Variants in ATP11B observed in about 807,000 individuals in gnomAD.
The protein encoded by ATP11B is ATPase phospholipid transporting 11B (putative).
In ATP11B, 81 loss-of-function variants were observed where a neutral mutation model predicts 157.8. The ratio of observed to expected loss-of-function variants is 0.51; its 90% CI spans 0.43 to 0.62. The LOEUF (loss-of-function observed/expected upper bound fraction) is 0.62, where lower values mean the gene tolerates loss of function less well. Among genes scored for constraint, ATP11B ranks in the 20% least tolerant of loss-of-function variants. The pLI is 0.00. For missense variants in ATP11B, 1,165 were observed against 1,402.2 expected (o/e 0.83, Z 2.70); for synonymous variants, 451 against 469.4 (o/e 0.96, Z 0.51).
At chr3:182,869,562 A>G (rs1721497264) in intron 17 of ATP11B, among the ~76,000 whole-genome samples, 1 of 152,158 alleles carries the variant, frequency 6.6e-6, no homozygotes, top group African/African-American at 2.4e-5. Flanking sequence ...GGTCTACTCA[A>G]ACTATGCTAT....
At chr3:182,862,279 T>TA (rs1157886585) in intron 12 of ATP11B, among the ~76,000 whole-genome samples, 2,434 of 136,220 alleles carry the variant, frequency 0.018, 50 homozygotes, top group African/African-American at 0.058. Flanking sequence ...AAACCCTGTC[T>TA]AAAAAAAAAA....
chr3:182,908,789 A>G (rs1724563356), intron 28 of ATP11B, among the ~76,000 whole-genome samples: 1 of 152,222 alleles, frequency 6.6e-6, no homozygotes, highest in Admixed American at 6.5e-5. Context: ...ATGATTCTTA[A>G]TCAGATTTGA....
In ATP11B at chr3:182,889,430, T is replaced by A; in HGVS notation, c.2864T>A (p.Leu955His). ...TLYRDISKNR[L>H]LSIKTFLYWT... is the part of the protein sequence containing the mutation. Reference sequence around the variant, plus strand: ...AACAGAGACATTAGTAAAAACCGCCTCTTAAGTATTAAAACATTTCTTTAT... The same window carrying A: ...AACAGAGACATTAGTAAAAACCGCCACTTAAGTATTAAAACATTTCTTTAT... The change falls in exon 25 of 30, where the codon CTC becomes CAC. Residue 955 changes from leucine to histidine, a missense_variant. Physicochemically the swap from Leu to His is moderately conservative, Grantham distance 99. This residue lies in a region of ATP11B where 303 missense variants were observed against 296.3 expected (regional missense o/e 1.02). Transcript: ENST00000323116. 1.9e-6 allele frequency: 3 copies of A among 1,570,996 alleles called. No homozygotes were observed. The highest frequency in any genetic ancestry group is 2.6e-6 in the Non-Finnish European group (3 of 1,163,608).
intron 28 of ATP11B, among the ~76,000 whole-genome samples, chr3:182,904,180 G>T (rs1273441979): frequency 6.6e-6 from 1 of 152,196 alleles, no homozygotes; most frequent in Admixed American, 6.5e-5. Flanking sequence ...GCTACTCCCA[G>T]TGGGTCCTAA....
chr3:182,802,292 A>G (rs150572108), intron 1 of ATP11B, among the ~76,000 whole-genome samples: 6 of 152,150 alleles, frequency 3.9e-5, no homozygotes, highest in Non-Finnish European at 7.4e-5. Flanking sequence ...CTGTCCTTGC[A>G]GTCTGTTTTC....
At chr3:182,881,148 T>C (rs1013670433) in intron 21 of ATP11B, among the ~76,000 whole-genome samples, 167 bp downstream of exon 21, 6 of 152,172 alleles carry the variant, frequency 3.9e-5, no homozygotes, top group African/African-American at 1.4e-4. Context: ...AAACTTACTA[T>C]AATTAGGCCG....
intron 4 of ATP11B, among the ~76,000 whole-genome samples, chr3:182,835,422 G>T (rs971342330): frequency 1.3e-5 from 2 of 152,140 alleles, no homozygotes; most frequent in Non-Finnish European, 2.9e-5. Flanking sequence ...AGAATTTAGT[G>T]ATTGCATAGA....
At position 182,865,440 on chromosome 3, in the gene ATP11B, T is replaced by G; in HGVS notation, c.1201-16T>G. 6.2e-7 allele frequency: 1 copy of G among 1,607,276 alleles called. No individual in the cohort carries two copies. ...GAACACAAAGGTTTATTTTCTTTTG[T>G]TTTCTATCTCTATAGGTAGAGTACG... On this transcript the variant is annotated splice_polypyrimidine_tract_variant and intron_variant, in intron 12 of 29. Transcript: ENST00000323116.
intron 28 of ATP11B, among the ~76,000 whole-genome samples, chr3:182,911,823 TAGAATC>T (rs1166715773): frequency 1.3e-5 from 2 of 152,102 alleles, no homozygotes; most frequent in Non-Finnish European, 2.9e-5. Flanking sequence ...AGCAGTGAAA[TAGAATC>T]AGAGAAAGAG....
chr3:182,866,896 A>G (rs1417270583), intron 14 of ATP11B, among the ~76,000 whole-genome samples: 1 of 146,650 alleles, frequency 6.8e-6, no homozygotes, highest in African/African-American at 2.5e-5. Flanking sequence ...ATATATTAAA[A>G]AGAATATATA....
chr3:182,891,298 CT>C (rs1242121871), intron 25 of ATP11B, among the ~76,000 whole-genome samples: 2 of 152,052 alleles, frequency 1.3e-5, no homozygotes, highest in Non-Finnish European at 2.9e-5. Flanking sequence ...CTAGTCACTA[CT>C]TTTTTTAATT....
intron 28 of ATP11B, among the ~76,000 whole-genome samples, chr3:182,911,258 C>T (rs1724761718): frequency 1.1e-5 from 1 of 90,720 alleles, no homozygotes; most frequent in Non-Finnish European, 1.9e-5. Context: ...CCCCCATCTC[C>T]TGCTATTGAA....
At position 182,873,873 on chromosome 3, in the gene ATP11B, G is replaced by T; in HGVS notation, c.2110G>T (p.Val704Leu). The T allele has an allele frequency of 6.2e-7, 1 of 1,614,096 alleles. No homozygotes were observed. Among genetic ancestry groups the T allele is most frequent in the Non-Finnish European group, 8.5e-7 (1 of 1,179,992 alleles). Residue 704 changes from valine to leucine, a missense_variant, in exon 19 of 30, where the codon GTA becomes TTA. Around this residue, in one of 4 missense-constraint regions of ATP11B, gnomAD observed 737 missense variants for 930.5 expected, o/e 0.79. Transcript: ENST00000323116. ...ALRMAGIKVW[V>L]LTGDKHETAV... is the part of the protein sequence containing the mutation. ...GAGAATGGCTGGTATCAAAGTATGG[G>T]TACTTACTGGGGATAAACATGAAAC...
At chr3:182,887,992 C>CGT (rs553342959) in intron 24 of ATP11B, among the ~76,000 whole-genome samples, 18 of 152,026 alleles carry the variant, frequency 1.2e-4, no homozygotes, top group Admixed American at 6.6e-5. Context: ...TATTCTATTT[C>CGT]GTGTGCACAA....
chr3:182,840,612 A>G (rs1560078142), intron 7 of ATP11B, among the ~76,000 whole-genome samples: 1 of 152,156 alleles, frequency 6.6e-6, no homozygotes, highest in Non-Finnish European at 1.5e-5. Context: ...TTCTCATCTC[A>G]GTTGATACAG....
chr3:182,904,834 A>G (rs944611451), intron 28 of ATP11B, among the ~76,000 whole-genome samples: 21 of 147,818 alleles, frequency 1.4e-4, no homozygotes, highest in Non-Finnish European at 2.5e-4. Context: ...GATTGCAGTG[A>G]GCCAAGATCA....
chr3:182,794,371 GAA>G (rs891234880), intron 1 of ATP11B, among the ~76,000 whole-genome samples: 7 of 152,170 alleles, frequency 4.6e-5, no homozygotes, highest in African/African-American at 1.7e-4. Flanking sequence ...CTGGAAAGGG[GAA>G]AGACTGTGCC....
intron 28 of ATP11B, among the ~76,000 whole-genome samples, chr3:182,900,094 C>T (rs889291342): frequency 3.3e-5 from 5 of 152,184 alleles, no homozygotes; most frequent in African/African-American, 1.2e-4. Flanking sequence ...CTGACCAGTG[C>T]ATTAGTTTTA....
intron 28 of ATP11B, 121 bp from the exon 29 acceptor site, chr3:182,913,740 A>T: frequency 6.6e-7 from 1 of 1,505,608 alleles, no homozygotes; most frequent in Non-Finnish European, 9.0e-7. Flanking sequence ...CCCATATTAT[A>T]GAAAAACATG....
Sources: allele counts gnomAD v4.1 joint callset (sites outside exome capture counted in the v4.1 genomes callset), GRCh38; gene constraint gnomAD v4.1.1; regional missense constraint gnomAD v4.1.1; transcripts MANE v1.5; gene names NCBI Gene and HGNC (gene_info 2026-07-23, HGNC 2026-07-21).